UNC80: variants seen among roughly 807,000 people sequenced by gnomAD.
The protein encoded by UNC80 is protein unc-80 homolog.
A neutral mutation model predicts 384.6 loss-of-function variants in UNC80; 164 were observed. That is an observed-to-expected ratio of 0.43 (90% confidence interval 0.38 to 0.49). UNC80 has a LOEUF of 0.49. UNC80 is among the 20% of genes least tolerant of loss of function. The pLI is 0.00. For synonymous variants in UNC80, 1,486 were observed against 1,527.8 expected, an observed-to-expected ratio of 0.97 and a Z score of 0.64; for missense variants, 3,330 against 4,143.0, an observed-to-expected ratio of 0.80 and a Z score of 5.39.
intron 38 of UNC80, among the ~76,000 whole-genome samples, 161 bp from the exon 39 acceptor site, chr2:209,933,661 A>G (rs1349017245): frequency 1.3e-5 from 2 of 152,138 alleles, no homozygotes; most frequent in Non-Finnish European, 2.9e-5. Flanking sequence ...TTTTCCAGTT[A>G]TGCCCTCTCC....
intron 44 of UNC80, among the ~76,000 whole-genome samples, chr2:209,941,790 C>T (rs1340238569): frequency 1.3e-5 from 2 of 152,120 alleles, no homozygotes; most frequent in African/African-American, 4.8e-5. Flanking sequence ...AATGTACATT[C>T]TGGTCAGGTG....
At chr2:209,785,987 T>G in intron 4 of UNC80, 79 bp from the exon 5 acceptor site, 2 of 1,477,190 alleles carry the variant, frequency 1.4e-6, no homozygotes, top group Non-Finnish European at 1.8e-6. Context: ...GTGAGTGATG[T>G]TAATCCTTGC....
intron 43 of UNC80, among the ~76,000 whole-genome samples, chr2:209,939,872 A>G (rs1355650040): frequency 2.0e-5 from 3 of 152,192 alleles, no homozygotes; most frequent in African/African-American, 7.2e-5. Flanking sequence ...TTGTTCTCAA[A>G]TGGAGAGCAT....
intron 51 of UNC80, among the ~76,000 whole-genome samples, chr2:209,964,841 G>A (rs1335326134): frequency 6.7e-6 from 1 of 150,160 alleles, no homozygotes; most frequent in Non-Finnish European, 1.5e-5. Flanking sequence ...TATTAAAAGA[G>A]ACTTAAGGAC....
chr2:209,809,572 C>T (rs1439163339), intron 7 of UNC80: 3 of 828,436 alleles, frequency 3.6e-6, no homozygotes, highest in Non-Finnish European at 6.1e-6. Context: ...CTCAGGGGGC[C>T]CTCGCTGACC....
At chr2:209,958,594 A>G (rs890392592) in intron 49 of UNC80, among the ~76,000 whole-genome samples, 3 of 152,194 alleles carry the variant, frequency 2.0e-5, no homozygotes, top group Non-Finnish European at 4.4e-5. Context: ...AATTTCCTAT[A>G]TTAAGGGAAA....
chr2:209,914,287 T>A (rs6435545), intron 31 of UNC80, among the ~76,000 whole-genome samples: 11,958 of 152,264 alleles, frequency 0.079, 1,038 homozygotes, highest in African/African-American at 0.21. Context: ...CACTGTAATT[T>A]ACTTTATCAA....
intron 61 of UNC80, among the ~76,000 whole-genome samples, chr2:209,989,397 A>G (rs1422315003): frequency 6.6e-6 from 1 of 152,090 alleles, no homozygotes; most frequent in African/African-American, 2.4e-5. Flanking sequence ...CTACTCTGAC[A>G]TATCTCGACA....
intron 9 of UNC80, 55 bp downstream of exon 9, chr2:209,815,446 G>A: frequency 6.6e-7 from 1 of 1,522,378 alleles, no homozygotes; most frequent in South Asian, 1.2e-5. Context: ...AATGTCAGTG[G>A]GACATGAGAT....
At position 209,851,077 on chromosome 2, in the gene UNC80, T is replaced by G. The variant is rs574942112; in HGVS notation, c.3627+1454T>G. ...ATGAACAGCCAGTCACCAAAAATAC[T>G]AATAGTCAGTAAACTACACTTCATC... is the stretch of plus-strand genomic sequence containing the variant. On this transcript the variant is annotated intron_variant, in intron 22 of 64. Transcript: ENST00000673920. Among the ~76,000 whole-genome samples, 14 of 152,120 alleles carry G rather than the reference T, an allele frequency of 9.2e-5. No individual in the cohort carries two copies. The South Asian group carries it at 2.9e-3, about 32-fold the overall frequency.
At chr2:209,939,265 G>A (rs1003506769) in intron 42 of UNC80, among the ~76,000 whole-genome samples, 4 of 152,128 alleles carry the variant, frequency 2.6e-5, no homozygotes, top group Non-Finnish European at 5.9e-5. Flanking sequence ...TGTAAAGCAG[G>A]CAGAAGGAAG....
At chr2:209,821,670 G>C (rs149549859) in intron 13 of UNC80, among the ~76,000 whole-genome samples, 2 of 152,048 alleles carry the variant, frequency 1.3e-5, no homozygotes. Context: ...CCTCTGCCTT[G>C]TCAACATCTG....
At chr2:209,934,033 T>A (rs1269540857) in intron 39 of UNC80, 28 bp downstream of exon 39, 4 of 1,498,970 alleles carry the variant, frequency 2.7e-6, no homozygotes, top group African/African-American at 2.8e-5. Flanking sequence ...TTTAGTAACA[T>A]AACTTTAAAA....
At chr2:209,971,213 A>C (rs1009084698) in intron 54 of UNC80, among the ~76,000 whole-genome samples, 3 of 152,218 alleles carry the variant, frequency 2.0e-5, no homozygotes, top group Non-Finnish European at 4.4e-5. Flanking sequence ...TCAGTCATTG[A>C]AAATGTGTGC....
At chr2:209,873,842 A>G (rs1449822225) in intron 23 of UNC80, among the ~76,000 whole-genome samples, 1 of 152,190 alleles carries the variant, frequency 6.6e-6, no homozygotes, top group Admixed American at 6.5e-5. Context: ...GCAAAGTGCC[A>G]AAGTTATTCA....
chr2:209,884,806 C>G (rs1474326100), intron 25 of UNC80, among the ~76,000 whole-genome samples: 1 of 151,976 alleles, frequency 6.6e-6, no homozygotes, highest in Non-Finnish European at 1.5e-5. Context: ...AACAGAAAAC[C>G]AAACACCGCA....
At chr2:209,849,761 G>A (rs2082393394) in intron 22 of UNC80, 138 bp downstream of exon 22, 2 of 925,198 alleles carry the variant, frequency 2.2e-6, no homozygotes, top group Non-Finnish European at 1.6e-6. Context: ...AAAGGGGGAA[G>A]AAAGATGGTG....
chr2:209,846,428 C>T (rs913251045), intron 21 of UNC80, among the ~76,000 whole-genome samples: 3 of 151,830 alleles, frequency 2.0e-5, no homozygotes, highest in African/African-American at 4.8e-5. Flanking sequence ...GTAATCAACA[C>T]GTTTACTGCA....
At chr2:209,797,120 G>T (rs781075788) in intron 7 of UNC80, among the ~76,000 whole-genome samples, 3 of 152,038 alleles carry the variant, frequency 2.0e-5, no homozygotes, top group Non-Finnish European at 2.9e-5. Context: ...ATGTTTTTGA[G>T]ATTTATCCAC....
Sources: allele counts gnomAD v4.1 joint callset (sites outside exome capture counted in the v4.1 genomes callset), GRCh38; gene constraint gnomAD v4.1.1; transcripts MANE v1.5; gene names NCBI Gene and HGNC (gene_info 2026-07-23, HGNC 2026-07-21).